The following TYW1 variants were observed in gnomAD, a reference collection of about 807,000 sequenced individuals.
TYW1 encodes tRNA-yW synthesizing protein 1 homolog.
In TYW1, 46 loss-of-function variants were observed where a neutral mutation model predicts 96.2. The ratio of observed to expected loss-of-function variants is 0.48; its 90% confidence interval spans 0.38 to 0.61. TYW1 has a LOEUF of 0.61. Ranked by LOEUF, TYW1 falls within the 20% of genes least tolerant of loss-of-function variation. The probability of loss-of-function intolerance (pLI) is 0.00; values close to 1 mark genes in which losing one functional copy is unlikely to be tolerated. For missense variants in TYW1, 684 were observed against 909.6 expected (o/e 0.75, Z 3.19); for synonymous variants, 274 against 323.0 (o/e 0.85, Z 1.63).
chr7:67,029,737 T>C (rs1213928805), intron 7 of TYW1, among the ~76,000 whole-genome samples: 1 of 152,074 alleles, frequency 6.6e-6, no homozygotes, highest in East Asian at 1.9e-4. Context: ...GTCTCACTCC[T>C]TCATCCAGAC....
At chr7:67,040,188 C>T (rs1331746015) in intron 7 of TYW1, among the ~76,000 whole-genome samples, 8 of 151,100 alleles carry the variant, frequency 5.3e-5, no homozygotes, top group Admixed American at 4.6e-4. Flanking sequence ...GAACTCCTGA[C>T]CTCAAGTGAT....
intron 12 of TYW1, among the ~76,000 whole-genome samples, chr7:67,101,080 G>A (rs1797073258): frequency 6.6e-6 from 1 of 152,106 alleles, no homozygotes; most frequent in African/African-American, 2.4e-5. Context: ...GAGAGGTGGT[G>A]TGTGTCTGTT....
At chr7:66,997,090 T>G in intron 1 of TYW1, 108 bp downstream of exon 1, 1 of 1,573,776 alleles carries the variant, frequency 6.4e-7, no homozygotes, top group South Asian at 1.1e-5. Flanking sequence ...CTTCGGAGAC[T>G]GTTGCACTTG....
At chr7:67,206,926 A>C (rs568721139) in intron 15 of TYW1, among the ~76,000 whole-genome samples, 2 of 152,262 alleles carry the variant, frequency 1.3e-5, no homozygotes, top group South Asian at 4.1e-4. Flanking sequence ...TGGCCTTCAC[A>C]ATCGGTTCCT....
intron 13 of TYW1, among the ~76,000 whole-genome samples, chr7:67,178,889 TCA>T (rs1441260449): frequency 7.4e-6 from 1 of 135,812 alleles, no homozygotes; most frequent in Non-Finnish European, 1.6e-5. Flanking sequence ...GTGTTTCATT[TCA>T]CAGTTTTAGA....
chr7:67,028,387 A>C (rs191038576), intron 7 of TYW1, among the ~76,000 whole-genome samples: 84 of 152,326 alleles, frequency 5.5e-4, no homozygotes, highest in Admixed American at 3.3e-4. Flanking sequence ...GTCTTTTCTG[A>C]AAATGCAAAA....
intron 10 of TYW1, among the ~76,000 whole-genome samples, chr7:67,072,888 C>T (rs901878313): frequency 6.7e-5 from 10 of 150,108 alleles, no homozygotes; most frequent in Non-Finnish European, 1.5e-4. Flanking sequence ...CTGTCTCAGC[C>T]ACTTGAGTAA....
At chr7:67,215,894 A>G (rs1254684359) in intron 15 of TYW1, among the ~76,000 whole-genome samples, 1 of 152,122 alleles carries the variant, frequency 6.6e-6, no homozygotes, top group Admixed American at 6.6e-5. Flanking sequence ...AACTGATTAA[A>G]TTGTGCCCAC....
intron 15 of TYW1, among the ~76,000 whole-genome samples, chr7:67,204,457 C>CTCCTTCCTCCCTTCCT (rs1554392756): frequency 3.3e-5 from 5 of 150,562 alleles, no homozygotes; most frequent in African/African-American, 1.2e-4. Context: ...TTAACTATTT[C>CTCCTTCCTCCCTTCCT]TCCTTCCTCC....
intron 13 of TYW1, among the ~76,000 whole-genome samples, chr7:67,142,913 C>T (rs1011068970): frequency 2.6e-5 from 4 of 151,776 alleles, no homozygotes; most frequent in Admixed American, 1.3e-4. Context: ...ATTAGCCGGG[C>T]GTGGTGGCAG....
At chr7:67,039,030 T>C (rs1364478214) in intron 7 of TYW1, among the ~76,000 whole-genome samples, 1 of 152,220 alleles carries the variant, frequency 6.6e-6, no homozygotes, top group Non-Finnish European at 1.5e-5. Flanking sequence ...AAAAAAATTG[T>C]GAAATCTGAA....
intron 7 of TYW1, among the ~76,000 whole-genome samples, chr7:67,037,094 TGAGC>T (rs1423101818): frequency 6.6e-6 from 1 of 152,204 alleles, no homozygotes; most frequent in Admixed American, 6.5e-5. Flanking sequence ...GGCTCAGTCT[TGAGC>T]ACCCCCTCTT....
intron 13 of TYW1, among the ~76,000 whole-genome samples, chr7:67,172,733 C>CGAAT (rs1208406104): frequency 6.6e-6 from 1 of 152,100 alleles, no homozygotes; most frequent in Non-Finnish European, 1.5e-5. Context: ...AAGACCTTAC[C>CGAAT]ATTCTTGTTT....
chr7:67,238,201 G>C (rs556603201), intron 15 of TYW1, 107 bp from the exon 16 acceptor site: 2 of 1,501,900 alleles, frequency 1.3e-6, no homozygotes, highest in Admixed American at 2.4e-5. Flanking sequence ...TTGTTTTCTT[G>C]ACGTGATAGG....
At chr7:67,002,665 C>T (rs1489807820) in intron 3 of TYW1, among the ~76,000 whole-genome samples, 3 of 151,392 alleles carry the variant, frequency 2.0e-5, no homozygotes, top group Admixed American at 1.3e-4. Flanking sequence ...TTTGTTTTGA[C>T]GATTTGTATG....
chr7:67,098,276 G>A (rs1399431777), intron 11 of TYW1, among the ~76,000 whole-genome samples: 1 of 152,200 alleles, frequency 6.6e-6, no homozygotes, highest in Non-Finnish European at 1.5e-5. Context: ...GACTTATTCT[G>A]CATTCCAAAT....
chr7:67,066,225 CCCACT>C (rs2115665621), intron 9 of TYW1, among the ~76,000 whole-genome samples: 1 of 152,258 alleles, frequency 6.6e-6, no homozygotes, highest in South Asian at 2.1e-4. Flanking sequence ...CCCTACCTGT[CCCACT>C]GATCTTAGGA....
Position 67,134,945 on chromosome 7 carries a change from C to CAAA in TYW1, c.1698+17351_1698+17353dup, listed in dbSNP as rs55746054. Among the ~76,000 whole-genome samples the CAAA allele has an allele frequency of 3.3e-4, 22 of 66,350 alleles. 1 individual carries two copies. The highest frequency in any genetic ancestry group is 5.4e-4 in the East Asian group (1 of 1,864). The allele number at this position is 66,350 out of a possible 152,430, so 43.5% of individuals were successfully genotyped here. On this transcript the variant is annotated intron_variant, in intron 13 of 15. Transcript: ENST00000359626. ...CAATATAGCAAGACCCTTTCTCTAC[C>CAAA]AAAAAAAAAAAAAAAAAAAAAAAAA...
intron 3 of TYW1, among the ~76,000 whole-genome samples, chr7:66,999,527 A>T (rs1793307016): frequency 6.6e-6 from 1 of 151,882 alleles, no homozygotes; most frequent in Non-Finnish European, 1.5e-5. Flanking sequence ...TAATTTTTGT[A>T]TTTTTAGTAG....
Sources: allele counts gnomAD v4.1 joint callset (sites outside exome capture counted in the v4.1 genomes callset), GRCh38; gene constraint gnomAD v4.1.1; transcripts MANE v1.5; gene names NCBI Gene and HGNC (gene_info 2026-07-23, HGNC 2026-07-21).